The following ANKRA2 variants were observed in gnomAD, a reference collection of about 807,000 sequenced individuals.
The protein encoded by ANKRA2 is ankyrin repeat family A protein 2.
A neutral mutation model predicts 37.8 loss-of-function variants in ANKRA2; 33 were observed. The ratio of observed to expected loss-of-function variants is 0.87; its 90% CI spans 0.66 to 1.17. The LOEUF (loss-of-function observed/expected upper bound fraction) is 1.17, where lower values mean the gene tolerates loss of function less well. ANKRA2 is among the 50% of genes most tolerant of loss of function. ANKRA2 has a pLI of 0.00. For synonymous variants in ANKRA2, 126 were observed against 132.3 expected, an observed-to-expected ratio of 0.95 and a Z score of 0.33; for missense variants, 326 against 373.7, an observed-to-expected ratio of 0.87 and a Z score of 1.05.
chr5:73,558,553 G>A (rs1747461541), intron 3 of ANKRA2, among the ~76,000 whole-genome samples: 1 of 152,012 alleles, frequency 6.6e-6, no homozygotes, highest in African/African-American at 2.4e-5. Context: ...TATTTATTTT[G>A]AGACAGGGTC....
Position 73,552,794 on chromosome 5 carries a change from T to G in ANKRA2, c.*3A>C. 1 of 1,598,824 alleles carries G rather than the reference T, an allele frequency of 6.3e-7. No individual in the cohort carries two copies. Among genetic ancestry groups the G allele is most frequent in the Non-Finnish European group, 8.6e-7 (1 of 1,167,968 alleles). ...AAGGGCAGACATTTTCTGATGACTG[T>G]GTCTACTCCTTGATATTTTGAAGCA... On this transcript the variant is annotated 3_prime_UTR_variant, in exon 9 of 9. Transcript: ENST00000296785.
chr5:73,563,317 T>C (rs1420992057), intron 1 of ANKRA2, among the ~76,000 whole-genome samples: 1 of 152,234 alleles, frequency 6.6e-6, no homozygotes, highest in Non-Finnish European at 1.5e-5. Context: ...TTCCAATACA[T>C]TTTAGTTACT....
chr5:73,552,863 T>G lies in ANKRA2; in HGVS notation c.887-11A>C. ...CAATAACCTGTTGAACTAGAACAGA[T>G]AGGTAATCAAGATTACAGCACAGTG... On this transcript the variant is annotated splice_polypyrimidine_tract_variant and intron_variant, in intron 8 of 8. Transcript: ENST00000296785. 6.3e-7 allele frequency: 1 copy of G among 1,591,362 alleles called. No homozygotes were observed. The highest frequency in any genetic ancestry group is 1.1e-5 in the South Asian group (1 of 89,060).
In ANKRA2 at chr5:73,555,574, T is replaced by G. The variant is rs1470823084; in HGVS notation, c.526A>C (p.Asn176His). The change falls in exon 5 of 9, where the codon AAT (asparagine) becomes CAT (histidine). Residue 176 changes from asparagine (N) to histidine (H), a missense_variant. Asn to His is a moderately conservative substitution (Grantham distance 68). Around this residue, in one of 3 missense-constraint regions of ANKRA2, gnomAD observed 228 missense variants for 260.2 expected, o/e 0.88. Transcript: ENST00000296785. ...GTAAATCCTTCTTCATCCGTGTGAT[T>G]GATAACATTTTCTATTTAAAAGAAA... ...ATRIEQENVI[N>H]HTDEEGFTPL... The G allele has an allele frequency of 7.4e-6, 12 of 1,613,538 alleles. No individual in the cohort carries two copies. Among genetic ancestry groups the G allele is most frequent in the Non-Finnish European group, 1.0e-5 (12 of 1,179,850 alleles).
intron 2 of ANKRA2, 136 bp downstream of exon 2, chr5:73,562,457 C>G (rs374079227): frequency 9.2e-6 from 7 of 758,540 alleles, no homozygotes; most frequent in East Asian, 5.7e-5. Flanking sequence ...ATTTTGGTTT[C>G]TATGAGATTC....
At position 73,561,158 on chromosome 5, in the gene ANKRA2, C is replaced by T. The variant is rs776241506; in HGVS notation, c.420G>A (p.Glu140=). 4 of 1,613,630 alleles carry T rather than the reference C, an allele frequency of 2.5e-6. No individual in the cohort carries two copies. The South Asian group carries it at 4.4e-5, about 18-fold the overall frequency. The stretch of plus-strand genomic sequence containing the variant: ...TTGCTAACAGAGGTGTGGTAGAGAC[C>T]TCATTTCCTCTGTGTTTGTTGGTTA... ...TTLTNKHRGN[E]VSTTPLLANS... Residue 140 remains glutamate, a synonymous_variant, in exon 3 of 9, where the codon GAG becomes GAA. Transcript: ENST00000296785.
At position 73,562,945 on chromosome 5, in the gene ANKRA2, G is replaced by T; in HGVS notation, c.-64C>A. The T allele has an allele frequency of 1.4e-6, 2 of 1,424,136 alleles. No homozygotes were observed. Among genetic ancestry groups the T allele is most frequent in the Non-Finnish European group, 1.9e-6 (2 of 1,054,508 alleles). 88.2% of individuals were successfully genotyped at this position (1,424,136 alleles called of 1,614,324 possible). ...ATGATTTCCTCTTGGTTTTGTAAGAGCAGTATCCAGTGTGTTCTTGGAATC... is the reference window on the plus strand; with the variant it reads ...ATGATTTCCTCTTGGTTTTGTAAGATCAGTATCCAGTGTGTTCTTGGAATC... On this transcript the variant is annotated 5_prime_UTR_variant, in exon 2 of 9. Coordinates refer to ENST00000296785, the MANE Select transcript of ANKRA2 (RefSeq NM_023039.5).
intron 6 of ANKRA2, 121 bp downstream of exon 6, chr5:73,554,740 A>G: frequency 8.4e-7 from 1 of 1,185,684 alleles, no homozygotes; most frequent in Non-Finnish European, 1.2e-6. Flanking sequence ...GGCTGGGACT[A>G]CAGGTGTACA....
intron 2 of ANKRA2, 105 bp from the exon 3 acceptor site, chr5:73,561,393 A>C: frequency 1.9e-6 from 2 of 1,078,682 alleles, no homozygotes; most frequent in Non-Finnish European, 2.7e-6. Context: ...GCTTCAATTA[A>C]ACTATTTATC....
At chr5:73,563,119 A>T (rs141176975) in intron 1 of ANKRA2, 134 bp from the exon 2 acceptor site, 2 of 332,632 alleles carry the variant, frequency 6.0e-6, no homozygotes, top group Admixed American at 9.1e-5. Context: ...TATAATGTTC[A>T]GAGGTAGAGA....
At chr5:73,553,574 A>AT in intron 7 of ANKRA2, 88 bp from the exon 8 acceptor site, 1 of 1,134,204 alleles carries the variant, frequency 8.8e-7, no homozygotes, top group Admixed American at 2.0e-5. Context: ...AGCTGGAGAG[A>AT]TTTTTCAGTT....
At chr5:73,554,588 CTTCT>C (rs1747348369) in intron 6 of ANKRA2, among the ~76,000 whole-genome samples, 200 bp from the exon 7 acceptor site, 1 of 151,938 alleles carries the variant, frequency 6.6e-6, no homozygotes, top group Admixed American at 6.6e-5. Flanking sequence ...ATTAATTATT[CTTCT>C]TTATTTATTC....
chr5:73,555,524 G>A lies in ANKRA2; in HGVS notation c.576C>T (p.His192=), dbSNP rs778612909. The change falls in exon 5 of 9, where the codon CAC becomes CAT. Residue 192 remains histidine (H), a synonymous_variant. Coordinates refer to ENST00000296785, the MANE Select transcript of ANKRA2 (RefSeq NM_023039.5). ...GFTPLMWAAA[H]GQIAVVEFLL... is the part of the protein sequence containing the mutation. ...GGAACTCTACCACAGCTATTTGCCC[G>A]TGTGCTGCAGCCCACATCAGAGGAG... is the stretch of plus-strand genomic sequence containing the variant. The A allele has an allele frequency of 2.4e-5, 39 of 1,613,628 alleles. No homozygotes were observed. The highest frequency in any genetic ancestry group is 2.0e-4 in the African/African-American group (15 of 74,884).
Position 73,552,776 on chromosome 5 carries a change from G to T in ANKRA2, c.*21C>A, listed in dbSNP as rs748972369. 2.4e-5 allele frequency: 38 copies of T among 1,584,306 alleles called. No individual in the cohort carries two copies. In the East Asian group the frequency reaches 7.7e-4, roughly 32 times the overall value. On this transcript the variant is annotated 3_prime_UTR_variant, in exon 9 of 9. Coordinates refer to ENST00000296785, the MANE Select transcript of ANKRA2 (RefSeq NM_023039.5). ...GGACCAAGAAGTAAACAAAAGGGCAGACATTTTCTGATGACTGTGTCTACT... is the reference window on the plus strand; with the variant it reads ...GGACCAAGAAGTAAACAAAAGGGCATACATTTTCTGATGACTGTGTCTACT...
chr5:73,552,927 TC>T, intron 8 of ANKRA2, 75 bp from the exon 9 acceptor site: 2 of 1,259,586 alleles, frequency 1.6e-6, no homozygotes, highest in Non-Finnish European at 2.3e-6. Flanking sequence ...ATTTAACTTA[TC>T]CCCAATATTT....
intron 1 of ANKRA2, among the ~76,000 whole-genome samples, chr5:73,563,574 A>C (rs909741891): frequency 6.6e-6 from 1 of 152,238 alleles, no homozygotes; most frequent in Non-Finnish European, 1.5e-5. Flanking sequence ...TGATGAACTG[A>C]AGGTACATTT....
intron 2 of ANKRA2, among the ~76,000 whole-genome samples, chr5:73,562,183 A>G (rs1249375929): frequency 6.6e-6 from 1 of 151,810 alleles, no homozygotes; most frequent in African/African-American, 2.4e-5. Context: ...TACCCGGCTA[A>G]TTTTTGTATT....
At chr5:73,556,902 AGGG>A (rs1747410150) in intron 4 of ANKRA2, among the ~76,000 whole-genome samples, 1 of 151,512 alleles carries the variant, frequency 6.6e-6, no homozygotes, top group Admixed American at 6.6e-5. Context: ...TGTATCAGTG[AGGG>A]CGTGGGGAAA....
Position 73,562,575 on chromosome 5 carries a change from T to C in ANKRA2, c.289+18A>G. 1 of 1,581,318 alleles carries C rather than the reference T, an allele frequency of 6.3e-7. No homozygotes were observed. The highest frequency in any genetic ancestry group is 8.6e-7 in the Non-Finnish European group (1 of 1,163,942). On this transcript the variant is annotated intron_variant, in intron 2 of 8. Transcript: ENST00000296785. The stretch of plus-strand genomic sequence containing the variant: ...AAAAACAAAAACAAATGCAGATATT[T>C]ATACCATAACTTTCAACCTTTAAAT...
Sources: allele counts gnomAD v4.1 joint callset (sites outside exome capture counted in the v4.1 genomes callset), GRCh38; gene constraint gnomAD v4.1.1; regional missense constraint gnomAD v4.1.1; transcripts MANE v1.5; gene names NCBI Gene and HGNC (gene_info 2026-07-23, HGNC 2026-07-21).